Variants in SGIP1 observed in about 807,000 individuals in gnomAD.
SGIP1 encodes the protein SH3GL interacting endocytic adaptor 1.
A neutral mutation model predicts 107.5 loss-of-function variants in SGIP1; 38 were observed. The observed-to-expected ratio is 0.35, with a 90% CI of 0.27 to 0.46. SGIP1 has a LOEUF of 0.46. Ranked by LOEUF, SGIP1 falls within the 20% of genes least tolerant of loss-of-function variation. The pLI, the probability that SGIP1 is intolerant of heterozygous loss-of-function variation, is 1.00. For missense variants in SGIP1, 929 were observed against 1,019.5 expected (o/e 0.91, Z 1.21); for synonymous variants, 365 against 366.1 (o/e 1.00, Z 0.03).
At chr1:66,567,424 T>C (rs1019286165) in intron 1 of SGIP1, among the ~76,000 whole-genome samples, 1 of 152,170 alleles carries the variant, frequency 6.6e-6, no homozygotes, top group African/African-American at 2.4e-5. Context: ...GATGGGTAGA[T>C]TGCAAAAATG....
intron 1 of SGIP1, among the ~76,000 whole-genome samples, chr1:66,576,653 C>A (rs1336140940): frequency 6.6e-6 from 1 of 152,160 alleles, no homozygotes. Flanking sequence ...AGAAATCTAT[C>A]TGTTTAAATT....
intron 2 of SGIP1, among the ~76,000 whole-genome samples, chr1:66,632,859 T>C (rs2075058645): frequency 6.6e-6 from 1 of 152,184 alleles, no homozygotes; most frequent in Non-Finnish European, 1.5e-5. Flanking sequence ...TGCAATTTTT[T>C]AATGAGAATT....
chr1:66,727,492 C>T (rs111799712), intron 19 of SGIP1, among the ~76,000 whole-genome samples: 2 of 152,322 alleles, frequency 1.3e-5, no homozygotes, highest in African/African-American at 4.8e-5. Flanking sequence ...CTTTGAGAGT[C>T]TACACCTATT....
intron 1 of SGIP1, among the ~76,000 whole-genome samples, chr1:66,573,189 T>C (rs936689516): frequency 2.0e-5 from 3 of 152,082 alleles, no homozygotes; most frequent in African/African-American, 7.2e-5. Context: ...ATTATGCACT[T>C]ACAGGATATG....
chr1:66,656,408 A>G (rs944554043), intron 7 of SGIP1, among the ~76,000 whole-genome samples: 2 of 152,246 alleles, frequency 1.3e-5, no homozygotes, highest in African/African-American at 2.4e-5. Context: ...TAGTAAATAC[A>G]TAAACCAGTA....
At chr1:66,694,938 T>C in intron 17 of SGIP1, 1 of 225,728 alleles carries the variant, frequency 4.4e-6, no homozygotes, top group African/African-American at 2.3e-5. Flanking sequence ...ATGGAAGATA[T>C]GTGACATCTT....
intron 19 of SGIP1, among the ~76,000 whole-genome samples, chr1:66,725,133 T>C (rs2093697487): frequency 6.6e-6 from 1 of 152,120 alleles, no homozygotes; most frequent in African/African-American, 2.4e-5. Context: ...GAGATGGAAA[T>C]GCAAACTTCC....
rs1230712096 is a variant in SGIP1 at position 66,534,357 on chromosome 1, C to A, written c.-2C>A. 1 of 1,614,116 alleles carries A rather than the reference C, an allele frequency of 6.2e-7. No individual in the cohort carries two copies. Among genetic ancestry groups the A allele is most frequent in the South Asian group, 1.1e-5 (1 of 91,082 alleles). Reference sequence around the variant, plus strand: ...GAAATTAAGGAATGCAATTCTGCCACCATGATGGAAGGTAGGATGCTTTCT... The same window carrying A: ...GAAATTAAGGAATGCAATTCTGCCAACATGATGGAAGGTAGGATGCTTTCT... On this transcript the variant is annotated 5_prime_UTR_variant, in exon 1 of 25. Transcript: ENST00000371037.
intron 7 of SGIP1, among the ~76,000 whole-genome samples, chr1:66,656,906 G>A: frequency 6.6e-6 from 1 of 152,152 alleles, no homozygotes; most frequent in East Asian, 1.9e-4. Flanking sequence ...AGTGGCTCAT[G>A]CCTATAATCC....
chr1:66,728,041 C>CT (rs2093837864), intron 19 of SGIP1, among the ~76,000 whole-genome samples: 4 of 151,900 alleles, frequency 2.6e-5, no homozygotes, highest in Admixed American at 1.3e-4. Context: ...TTCATAAAGC[C>CT]TTTTTTAAAA....
chr1:66,589,611 G>A (rs2063298314), intron 1 of SGIP1, among the ~76,000 whole-genome samples: 1 of 152,022 alleles, frequency 6.6e-6, no homozygotes, highest in South Asian at 2.1e-4. Context: ...AAATGCCTGT[G>A]AAAAACACTC....
chr1:66,670,507 C>A (rs1433322878), intron 9 of SGIP1, among the ~76,000 whole-genome samples: 2 of 152,162 alleles, frequency 1.3e-5, no homozygotes, highest in Non-Finnish European at 2.9e-5. Context: ...GTTTCCCCTG[C>A]CTTTTACACT....
chr1:66,633,927 C>A (rs1332094197), intron 3 of SGIP1, among the ~76,000 whole-genome samples: 1 of 152,122 alleles, frequency 6.6e-6, no homozygotes, highest in Non-Finnish European at 1.5e-5. Flanking sequence ...GTGTTAATTG[C>A]AGCTATAGCA....
intron 1 of SGIP1, among the ~76,000 whole-genome samples, chr1:66,572,425 C>G (rs767086481): frequency 2.0e-5 from 3 of 151,834 alleles, no homozygotes; most frequent in Admixed American, 6.6e-5. Context: ...CTTTTTTTCC[C>G]GACCCAGCAA....
At chr1:66,591,715 G>A (rs2063661837) in intron 1 of SGIP1, among the ~76,000 whole-genome samples, 1 of 152,146 alleles carries the variant, frequency 6.6e-6, no homozygotes, top group South Asian at 2.1e-4. Flanking sequence ...GACCAGCGCG[G>A]GCACTGGTCT....
At chr1:66,735,895 C>T (rs961519895) in intron 21 of SGIP1, among the ~76,000 whole-genome samples, 2 of 150,572 alleles carry the variant, frequency 1.3e-5, no homozygotes, top group African/African-American at 2.4e-5. Context: ...GTGCCTGGCT[C>T]ATTTCATTTA....
At chr1:66,606,650 A>G (rs2066904674) in intron 1 of SGIP1, among the ~76,000 whole-genome samples, 1 of 152,242 alleles carries the variant, frequency 6.6e-6, no homozygotes, top group Non-Finnish European at 1.5e-5. Flanking sequence ...GATTCCTTCC[A>G]AGGTGTTAAG....
chr1:66,593,157 G>A (rs72916396), intron 1 of SGIP1, among the ~76,000 whole-genome samples: 3,354 of 151,718 alleles, frequency 0.022, 120 homozygotes, highest in African/African-American at 0.078. Context: ...AATATTCCAC[G>A]GTCTGGATGT....
At chr1:66,619,054 T>C (rs995255103) in intron 1 of SGIP1, among the ~76,000 whole-genome samples, 2 of 152,196 alleles carry the variant, frequency 1.3e-5, no homozygotes, top group African/African-American at 2.4e-5. Flanking sequence ...AACTGGGTTC[T>C]ACATATTGAT....
Sources: allele counts gnomAD v4.1 joint callset (sites outside exome capture counted in the v4.1 genomes callset), GRCh38; gene constraint gnomAD v4.1.1; transcripts MANE v1.5; gene names NCBI Gene and HGNC (gene_info 2026-07-23, HGNC 2026-07-21).